Variants in NREP observed in about 807,000 individuals in gnomAD.
NREP encodes the protein neuronal regeneration related protein.
In NREP, 5 loss-of-function variants were observed where a neutral mutation model predicts 8.6. The observed-to-expected ratio is 0.58, with a 90% CI of 0.30 to 1.22. NREP has a LOEUF of 1.22. Ranked by LOEUF, NREP falls within the 50% of genes most tolerant of loss-of-function variation. The pLI is 0.07. For missense variants in NREP, 86 were observed against 82.5 expected (o/e 1.04, Z -0.17); for synonymous variants, 27 against 28.0 (o/e 0.96, Z 0.11).
intron 2 of NREP, among the ~76,000 whole-genome samples, chr5:111,787,508 T>C (rs1002029285): frequency 6.6e-6 from 1 of 152,202 alleles, no homozygotes; most frequent in East Asian, 1.9e-4. Context: ...TCAGTTATAA[T>C]GGATGAGAGT....
chr5:111,741,824 T>TACATACACACAGACAC (rs1554095238), intron 2 of NREP, among the ~76,000 whole-genome samples: 1 of 73,438 alleles, frequency 1.4e-5, no homozygotes, highest in African/African-American at 4.0e-5. Context: ...AACACACACA[T>TACATACACACAGACAC]ACACACACAC....
chr5:111,954,251 T>A (rs751794827), intron 2 of NREP, among the ~76,000 whole-genome samples: 1 of 152,028 alleles, frequency 6.6e-6, no homozygotes, highest in Non-Finnish European at 1.5e-5. Context: ...TATGCCCATA[T>A]CCAGAGGAAA....
chr5:111,952,624 A>C (rs1224994185), intron 2 of NREP, among the ~76,000 whole-genome samples: 1 of 152,130 alleles, frequency 6.6e-6, no homozygotes, highest in Non-Finnish European at 1.5e-5. Flanking sequence ...CAGTTATTGG[A>C]ACATACCCAG....
At chr5:111,946,093 C>T (rs1561361352) in intron 2 of NREP, among the ~76,000 whole-genome samples, 1 of 127,994 alleles carries the variant, frequency 7.8e-6, no homozygotes, top group Non-Finnish European at 1.7e-5. Context: ...CACACACACA[C>T]ACACACACAT....
intron 2 of NREP, among the ~76,000 whole-genome samples, chr5:111,921,885 G>T (rs184294863): frequency 6.6e-6 from 1 of 152,178 alleles, no homozygotes; most frequent in African/African-American, 2.4e-5. Flanking sequence ...GGGTTTATCA[G>T]GGGTTTCCAC....
intron 2 of NREP, among the ~76,000 whole-genome samples, chr5:111,793,603 CA>C (rs563135702): frequency 5.0e-4 from 76 of 152,268 alleles, no homozygotes; most frequent in African/African-American, 1.8e-3. Context: ...GGAACACAGT[CA>C]CAAACACACT....
intron 2 of NREP, among the ~76,000 whole-genome samples, chr5:111,780,967 G>T (rs565087022): frequency 6.6e-6 from 1 of 152,148 alleles, no homozygotes; most frequent in South Asian, 2.1e-4. Context: ...TGTCATAGGG[G>T]TTTGTTATAT....
At chr5:111,886,983 T>TA (rs982678978) in intron 2 of NREP, among the ~76,000 whole-genome samples, 1 of 148,616 alleles carries the variant, frequency 6.7e-6, no homozygotes, top group Non-Finnish European at 1.5e-5. Flanking sequence ...AATAATAAAA[T>TA]AAAAAATAGA....
At chr5:111,741,356 ATTC>A (rs1487721290) in intron 2 of NREP, among the ~76,000 whole-genome samples, 4 of 152,160 alleles carry the variant, frequency 2.6e-5, no homozygotes, top group African/African-American at 9.7e-5. Context: ...TTCAAGGAGA[ATTC>A]ATGCGCATAT....
chr5:111,885,238 G>T (rs1049464181), intron 2 of NREP, among the ~76,000 whole-genome samples: 10 of 151,222 alleles, frequency 6.6e-5, no homozygotes, highest in African/African-American at 1.5e-4. Flanking sequence ...GCTTCAAAGA[G>T]AATAAAATAC....
rs255882 is a variant in NREP at position 111,788,228 on chromosome 5, A to G, written c.136-52721T>C. On this transcript the variant is annotated intron_variant, in intron 2 of 3. Transcript: ENST00000395634. ...TATTCACTTTACTTTTGTAGGTTCA[A>G]TGGGCCAAAATGGCCAAAATATTTA... Among the ~76,000 whole-genome samples, 58 of 152,346 alleles carry G rather than the reference A, an allele frequency of 3.8e-4. No homozygotes were observed. In the East Asian group the frequency reaches 9.8e-3, roughly 26 times the overall value.
intron 2 of NREP, among the ~76,000 whole-genome samples, chr5:111,835,301 A>G (rs1327167177): frequency 2.6e-5 from 4 of 152,084 alleles, no homozygotes; most frequent in Non-Finnish European, 5.9e-5. Flanking sequence ...TCATTTGTCT[A>G]TTTGAGTAAA....
At chr5:111,805,488 A>T (rs1333436731) in intron 2 of NREP, among the ~76,000 whole-genome samples, 3 of 152,246 alleles carry the variant, frequency 2.0e-5, no homozygotes, top group African/African-American at 7.2e-5. Flanking sequence ...GTGGCTAAAA[A>T]TATTGAGGAA....
chr5:111,883,585 T>G (rs1001658971), intron 2 of NREP, among the ~76,000 whole-genome samples: 4 of 152,112 alleles, frequency 2.6e-5, no homozygotes, highest in African/African-American at 9.7e-5. Flanking sequence ...AAAGCCCTCC[T>G]CAGCAAATGT....
In NREP at chr5:111,827,844, AAAAACAAAAG is replaced by A. The variant is rs1752664535; in HGVS notation, c.136-92347_136-92338del. 2.6e-5 allele frequency among the ~76,000 whole-genome samples: 4 copies of A among 152,078 alleles called. No individual in the cohort carries two copies. In the South Asian group the frequency reaches 8.3e-4, roughly 31 times the overall value. ...GGCCACACGGGATGACTCTGTCTCAAAAAACAAAAGAAAACAAACAAAAAACAACAACAAA... is the reference window on the plus strand; with the variant it reads ...GGCCACACGGGATGACTCTGTCTCAAAAAACAAACAAAAAACAACAACAAA... On this transcript the variant is annotated intron_variant, in intron 2 of 3. Transcript: ENST00000395634.
At chr5:111,939,474 G>C (rs968450489) in intron 2 of NREP, among the ~76,000 whole-genome samples, 8 of 151,958 alleles carry the variant, frequency 5.3e-5, no homozygotes, top group African/African-American at 1.7e-4. Context: ...TATTTGGGAA[G>C]TTGCCTACTC....
At position 111,938,363 on chromosome 5, in the gene NREP, A is replaced by C. The variant is rs536136624; in HGVS notation, c.135+36911T>G. Among the ~76,000 whole-genome samples the C allele has an allele frequency of 2.0e-5, 3 of 152,242 alleles. No homozygotes were observed. The South Asian group carries it at 6.2e-4, about 32-fold the overall frequency. On this transcript the variant is annotated intron_variant, in intron 2 of 3. Coordinates refer to the NREP transcript ENST00000395634. ...GATAAACATTTTATAAGCCAAAACT[A>C]CCCAGATTTATTGTCAACAATTGCA...
chr5:111,897,553 C>A (rs183800171), intron 2 of NREP, among the ~76,000 whole-genome samples: 1 of 152,232 alleles, frequency 6.6e-6, no homozygotes, highest in East Asian at 1.9e-4. Flanking sequence ...CTTCTGCTTT[C>A]TTGGCTTGTC....
chr5:111,946,575 T>G (rs1172915346), intron 2 of NREP, among the ~76,000 whole-genome samples: 1 of 151,978 alleles, frequency 6.6e-6, no homozygotes, highest in African/African-American at 2.4e-5. Flanking sequence ...TCCCCTCCTA[T>G]TCTTATTCTT....
Sources: gnomAD v4.1 joint callset for allele counts (sites outside exome capture counted in the v4.1 genomes callset) on GRCh38, gnomAD v4.1.1 for gene constraint, MANE v1.5 for transcripts, NCBI Gene and HGNC (gene_info 2026-07-23, HGNC 2026-07-21) for gene names.